TOP6BL: variants seen among roughly 807,000 people sequenced by gnomAD.
The protein encoded by TOP6BL is TOP6B like initiator of meiotic double strand breaks, also known as type 2 DNA topoisomerase 6 subunit B-like.
chr11:66,787,926 G>A, the TOP6BL span, among the ~76,000 whole-genome samples: 1 of 152,120 alleles, frequency 6.6e-6, no homozygotes, highest in Non-Finnish European at 1.5e-5. Context: ...AATTGATTTA[G>A]CAAATGTAAA....
chr11:66,832,573 C>A, the TOP6BL span, among the ~76,000 whole-genome samples: 1 of 152,212 alleles, frequency 6.6e-6, no homozygotes, highest in Non-Finnish European at 1.5e-5. Flanking sequence ...TAGAGAGGCA[C>A]AGAGCAGCAG....
chr11:66,759,036 C>T, the TOP6BL span: 10 of 1,552,140 alleles, frequency 6.4e-6, no homozygotes, highest in Non-Finnish European at 7.0e-6. Flanking sequence ...TATTCTGTTT[C>T]TTACAGTTGC....
At chr11:66,762,224 AGGCCGCAGGGGGCCC>A in the TOP6BL span, 3 of 613,120 alleles carry the variant, frequency 4.9e-6, no homozygotes, top group African/African-American at 5.5e-5. Flanking sequence ...AGGGCCCGCG[AGGCCGCAGGGGGCCC>A]GGCCGCAGAA....
At chr11:66,795,015 T>C in the TOP6BL span, among the ~76,000 whole-genome samples, 1 of 151,722 alleles carries the variant, frequency 6.6e-6, no homozygotes, top group African/African-American at 2.4e-5. Flanking sequence ...GCACCTGTAG[T>C]CCCAGCTACT....
At chr11:66,779,749 C>G in the TOP6BL span, among the ~76,000 whole-genome samples, 4 of 152,242 alleles carry the variant, frequency 2.6e-5, no homozygotes, top group African/African-American at 7.2e-5. Flanking sequence ...ATAGCAAAGA[C>G]TTGGAACCAA....
the TOP6BL span, chr11:66,758,177 C>T: frequency 2.0e-6 from 2 of 975,946 alleles, no homozygotes; most frequent in African/African-American, 1.8e-5. Context: ...TCTTTTTGTC[C>T]CCTCGTTGGT....
chr11:66,787,169 G>A, the TOP6BL span, among the ~76,000 whole-genome samples: 2 of 151,670 alleles, frequency 1.3e-5, no homozygotes, highest in African/African-American at 4.8e-5. Flanking sequence ...CCTGACCTCA[G>A]GTGATCCACC....
the TOP6BL span, among the ~76,000 whole-genome samples, chr11:66,788,866 T>C: frequency 5.9e-5 from 9 of 152,328 alleles, no homozygotes; most frequent in Non-Finnish European, 1.3e-4. Context: ...TCTTCCTGCC[T>C]CAGCCTGCCG....
the TOP6BL span, among the ~76,000 whole-genome samples, chr11:66,823,175 T>G: frequency 6.6e-6 from 1 of 151,562 alleles, no homozygotes. Flanking sequence ...TTGCATGTAA[T>G]CTCAGCTACT....
the TOP6BL span, among the ~76,000 whole-genome samples, chr11:66,754,872 A>G: frequency 1.3e-5 from 2 of 152,228 alleles, no homozygotes; most frequent in Non-Finnish European, 2.9e-5. Context: ...GGGAGGAGCC[A>G]GTCCCTTGAA....
chr11:66,792,834 G>A, the TOP6BL span, among the ~76,000 whole-genome samples: 2 of 152,060 alleles, frequency 1.3e-5, no homozygotes, highest in East Asian at 3.8e-4. Flanking sequence ...TCTATGATAC[G>A]CCCTATAATC....
chr11:66,774,598 C>T, the TOP6BL span, among the ~76,000 whole-genome samples: 9 of 151,926 alleles, frequency 5.9e-5, no homozygotes, highest in Non-Finnish European at 1.0e-4. Context: ...GGACTACAGG[C>T]GCCCGCCACC....
chr11:66,841,953 C>CT, the TOP6BL span, among the ~76,000 whole-genome samples: 2 of 152,148 alleles, frequency 1.3e-5, no homozygotes, highest in Non-Finnish European at 2.9e-5. Context: ...TGACTTATGC[C>CT]TGTAATACCG....
At chr11:66,831,792 A>G in the TOP6BL span, among the ~76,000 whole-genome samples, 1 of 151,988 alleles carries the variant, frequency 6.6e-6, no homozygotes. Context: ...TCAAGAGTTC[A>G]AGGCCAGCCT....
the TOP6BL span, among the ~76,000 whole-genome samples, chr11:66,798,621 A>G: frequency 6.7e-6 from 1 of 149,918 alleles, no homozygotes; most frequent in Non-Finnish European, 1.5e-5. Flanking sequence ...AAAAAAAAAA[A>G]GTTAAGGGAT....
At chr11:66,793,054 G>A in the TOP6BL span, among the ~76,000 whole-genome samples, 1 of 151,664 alleles carries the variant, frequency 6.6e-6, no homozygotes, top group African/African-American at 2.4e-5. Context: ...CATATTTACA[G>A]AATTTTCTAA....
chr11:66,821,842 G>T, the TOP6BL span: 1 of 1,529,436 alleles, frequency 6.5e-7, no homozygotes, highest in South Asian at 1.2e-5. Flanking sequence ...GCAGGGCCCA[G>T]GAGCCCTTCC....
At chr11:66,841,086 T>C in the TOP6BL span, among the ~76,000 whole-genome samples, 1 of 151,858 alleles carries the variant, frequency 6.6e-6, no homozygotes, top group African/African-American at 2.4e-5. Flanking sequence ...ATCTGAAATC[T>C]TGGATTCATT....
chr11:66,795,695 A>G, the TOP6BL span, among the ~76,000 whole-genome samples: 1 of 151,482 alleles, frequency 6.6e-6, no homozygotes, highest in Non-Finnish European at 1.5e-5. Context: ...TGAGGTCCAG[A>G]GCAGTGATTT....
Sources: allele counts gnomAD v4.1 joint callset (sites outside exome capture counted in the v4.1 genomes callset), GRCh38; gene constraint gnomAD v4.1.1; transcripts MANE v1.5; gene names NCBI Gene and HGNC (gene_info 2026-07-23, HGNC 2026-07-21).